Variants in RARB observed in about 807,000 individuals in gnomAD.
RARB encodes retinoic acid receptor beta.
In RARB, 17 loss-of-function variants were observed where a neutral mutation model predicts 51.9. The observed-to-expected ratio is 0.33, with a 90% confidence interval of 0.22 to 0.49. The LOEUF is 0.49. RARB is among the 20% of genes least tolerant of loss of function. The pLI is 0.99. For synonymous variants in RARB, 215 were observed against 195.4 expected (o/e 1.10, Z -0.84); for missense variants, 369 against 550.8 (o/e 0.67, Z 3.30).
At chr3:24,946,416 T>C (rs1695776784) in intron 2 of RARB, among the ~76,000 whole-genome samples, 1 of 149,430 alleles carries the variant, frequency 6.7e-6, no homozygotes. Context: ...AATTAGAAGG[T>C]GGTGGGAAGT....
intron 2 of RARB, among the ~76,000 whole-genome samples, chr3:24,931,156 G>T (rs114120287): frequency 6.6e-6 from 1 of 151,968 alleles, no homozygotes; most frequent in Non-Finnish European, 1.5e-5. Flanking sequence ...GCTATGTCTC[G>T]TTGAACTGAA....
intron 2 of RARB, among the ~76,000 whole-genome samples, chr3:24,862,057 T>C (rs867685752): frequency 6.6e-6 from 1 of 152,178 alleles, no homozygotes; most frequent in Non-Finnish European, 1.5e-5. Context: ...CCTTTTAAAA[T>C]CTGTAAGCTA....
intron 2 of RARB, among the ~76,000 whole-genome samples, chr3:25,054,062 G>C (rs1203266618): frequency 6.6e-6 from 1 of 152,028 alleles, no homozygotes; most frequent in African/African-American, 2.4e-5. Context: ...GAGTCCATGT[G>C]GACACAGTTC....
intron 5 of RARB, among the ~76,000 whole-genome samples, chr3:25,284,696 A>G (rs1703607209): frequency 6.6e-6 from 1 of 152,164 alleles, no homozygotes; most frequent in African/African-American, 2.4e-5. Flanking sequence ...CAGAACCTCG[A>G]CTCACATTTA....
chr3:25,539,533 T>TC (rs67459695), intron 3 of RARB, among the ~76,000 whole-genome samples: 4,604 of 56,100 alleles, frequency 0.082, 94 homozygotes, highest in Admixed American at 0.1. Context: ...TCTCTCTCTC[T>TC]TTTTTTTTTT....
intron 2 of RARB, among the ~76,000 whole-genome samples, chr3:25,466,810 G>A (rs188325934): frequency 8.0e-4 from 122 of 152,346 alleles, no homozygotes; most frequent in African/African-American, 2.6e-3. Flanking sequence ...GAAAGGTGCT[G>A]TAGATAATAT....
chr3:25,295,690 G>A (rs909324649), intron 5 of RARB, among the ~76,000 whole-genome samples: 6 of 152,126 alleles, frequency 3.9e-5, no homozygotes, highest in African/African-American at 1.2e-4. Context: ...CCTAAGATTC[G>A]ATATGTCAGT....
intron 3 of RARB, chr3:25,060,273 T>C (rs1006044913): frequency 6.6e-6 from 1 of 151,882 alleles, no homozygotes; most frequent in Non-Finnish European, 1.5e-5. Context: ...AACCGTAGTT[T>C]GGCATATGAA....
intron 5 of RARB, among the ~76,000 whole-genome samples, chr3:25,280,787 T>G (rs1703503952): frequency 6.6e-6 from 1 of 152,176 alleles, no homozygotes; most frequent in Non-Finnish European, 1.5e-5. Context: ...GTGACTTGAT[T>G]TGCCATTTTT....
intron 3 of RARB, among the ~76,000 whole-genome samples, chr3:25,122,024 T>G (rs76855088): frequency 0.019 from 2,959 of 152,282 alleles, 80 homozygotes; most frequent in African/African-American, 0.058. Context: ...CTTATACTTC[T>G]TTGAAAGTCA....
intron 5 of RARB, among the ~76,000 whole-genome samples, chr3:25,293,534 A>T (rs1002863809): frequency 2.0e-5 from 3 of 149,006 alleles, no homozygotes; most frequent in Non-Finnish European, 4.4e-5. Flanking sequence ...CCAATTTCAG[A>T]TGATATTTTG....
At chr3:25,410,313 T>C (rs1024022155) in intron 5 of RARB, among the ~76,000 whole-genome samples, 19 of 152,226 alleles carry the variant, frequency 1.2e-4, no homozygotes, top group Non-Finnish European at 2.8e-4. Context: ...CTTTAAACCA[T>C]ATCACAAATC....
intron 2 of RARB, among the ~76,000 whole-genome samples, chr3:24,973,276 G>C (rs148010434): frequency 1.3e-3 from 199 of 152,128 alleles, no homozygotes; most frequent in African/African-American, 4.5e-3. Flanking sequence ...TCAAAACTGA[G>C]TTGGCTGTAA....
At chr3:24,942,958 A>T (rs1404386664) in intron 2 of RARB, among the ~76,000 whole-genome samples, 2 of 152,212 alleles carry the variant, frequency 1.3e-5, no homozygotes, top group Non-Finnish European at 2.9e-5. Flanking sequence ...GATTTGGGCT[A>T]TCTAAAGTTT....
chr3:25,121,139 A>T (rs1457207658), intron 3 of RARB, among the ~76,000 whole-genome samples: 1 of 152,196 alleles, frequency 6.6e-6, no homozygotes, highest in Non-Finnish European at 1.5e-5. Flanking sequence ...TCTGCAAGCC[A>T]GTGAGGAAGG....
At chr3:25,365,057 T>C (rs961900893) in intron 5 of RARB, among the ~76,000 whole-genome samples, 2 of 152,044 alleles carry the variant, frequency 1.3e-5, no homozygotes, top group African/African-American at 4.8e-5. Context: ...TATCTAGAAA[T>C]TTCCCATCAC....
chr3:24,962,164 C>T (rs903970071), intron 2 of RARB, among the ~76,000 whole-genome samples: 3 of 151,750 alleles, frequency 2.0e-5, no homozygotes, highest in East Asian at 1.9e-4. Flanking sequence ...CTCCTGACCT[C>T]GTGATCTGCC....
At chr3:24,997,521 A>C (rs1056760144) in intron 2 of RARB, among the ~76,000 whole-genome samples, 2 of 151,564 alleles carry the variant, frequency 1.3e-5, no homozygotes, top group Non-Finnish European at 2.9e-5. Context: ...TCATTCCTTA[A>C]TTTCTTATTG....
chr3:25,225,075 T>C (rs137967058), intron 5 of RARB, among the ~76,000 whole-genome samples: 5,080 of 152,246 alleles, frequency 0.033, 122 homozygotes, highest in Middle Eastern at 0.044. Flanking sequence ...CAGATTAAGG[T>C]GATACCTAAA....
Sources: gnomAD v4.1 joint callset for allele counts (sites outside exome capture counted in the v4.1 genomes callset) on GRCh38, gnomAD v4.1.1 for gene constraint, MANE v1.5 for transcripts, NCBI Gene and HGNC (gene_info 2026-07-23, HGNC 2026-07-21) for gene names.